Variants in TRANK1 observed in about 807,000 individuals in gnomAD.
TRANK1 encodes TPR and ankyrin repeat-containing protein 1.
TRANK1 carries 198 observed loss-of-function variants against 266.0 expected under a neutral mutation model. That is an observed-to-expected ratio of 0.74 (90% CI 0.66 to 0.84). The LOEUF (loss-of-function observed/expected upper bound fraction) is 0.84. Among genes scored for constraint, TRANK1 ranks in the 40% least tolerant of loss-of-function variants. The pLI is 0.00. For synonymous variants in TRANK1, 1,396 were observed against 1,384.1 expected (o/e 1.01, Z -0.19); for missense variants, 3,326 against 3,634.6 (o/e 0.92, Z 2.18).
chr3:36,841,833 G>A (rs938711850), intron 18 of TRANK1, among the ~76,000 whole-genome samples: 7 of 152,072 alleles, frequency 4.6e-5, no homozygotes, highest in African/African-American at 1.7e-4. Flanking sequence ...GAATGAGACT[G>A]GGCCCATGTT....
At chr3:36,894,432 G>T (rs1218586840) in intron 5 of TRANK1, among the ~76,000 whole-genome samples, 1 of 152,178 alleles carries the variant, frequency 6.6e-6, no homozygotes, top group Non-Finnish European at 1.5e-5. Context: ...AATCTCTTAG[G>T]CCAGCTACCT....
intron 1 of TRANK1, among the ~76,000 whole-genome samples, chr3:36,912,346 C>T (rs1246595289): frequency 6.6e-6 from 1 of 152,150 alleles, no homozygotes; most frequent in Non-Finnish European, 1.5e-5. Flanking sequence ...ACTTTAAGAG[C>T]CAAACTACAC....
At chr3:36,846,438 C>T in intron 16 of TRANK1, 34 bp from the exon 17 acceptor site, 1 of 1,591,454 alleles carries the variant, frequency 6.3e-7, no homozygotes, top group Non-Finnish European at 8.6e-7. Flanking sequence ...GATGATGAGC[C>T]ATTTGTCTAT....
Position 36,924,097 on chromosome 3 carries a change from C to T in TRANK1, c.24-15643G>A, listed in dbSNP as rs576083444. Among the ~76,000 whole-genome samples the T allele has an allele frequency of 1.6e-4, 25 of 152,314 alleles. No individual in the cohort carries two copies. In the South Asian group the frequency reaches 4.6e-3, roughly 28 times the overall value. On this transcript the variant is annotated intron_variant, in intron 1 of 23. Coordinates refer to ENST00000645898, the MANE Select transcript of TRANK1 (RefSeq NM_001329998.2). ...TGGACATTGCTAAATCAGGTGACCTCGGACAGCCTCAAAATGGTGAGGGTT... is the reference window on the plus strand; with the variant it reads ...TGGACATTGCTAAATCAGGTGACCTTGGACAGCCTCAAAATGGTGAGGGTT...
At chr3:36,834,586 T>C (rs2078741896) in intron 21 of TRANK1, 176 bp downstream of exon 21, 2 of 614,188 alleles carry the variant, frequency 3.3e-6, no homozygotes, top group East Asian at 3.0e-5. Flanking sequence ...GACTGGAAAA[T>C]AGAGTCCTGC....
At chr3:36,872,165 C>T (rs1394104871) in intron 9 of TRANK1, among the ~76,000 whole-genome samples, 2 of 152,150 alleles carry the variant, frequency 1.3e-5, no homozygotes, top group Non-Finnish European at 2.9e-5. Context: ...CTTTGGGAGG[C>T]CAAGGCAGGT....
At chr3:36,859,270 CT>C (rs1218580414) in intron 11 of TRANK1, among the ~76,000 whole-genome samples, 9,189 of 142,812 alleles carry the variant, frequency 0.064, 764 homozygotes, top group African/African-American at 0.2. Context: ...TCCCTTGCTT[CT>C]TTTTTTTTTT....
chr3:36,839,811 T>C lies in TRANK1; in HGVS notation c.5281-1095A>G, dbSNP rs2078819357. On this transcript the variant is annotated intron_variant, in intron 18 of 23. Coordinates refer to ENST00000645898, the MANE Select transcript of TRANK1 (RefSeq NM_001329998.2). ...GGATCTAAATATAATGCTTGGCCCA[T>C]AGCTGCTGAAGACTAGGAACATAGA... 2.0e-5 allele frequency among the ~76,000 whole-genome samples: 3 copies of C among 152,184 alleles called. No individual in the cohort carries two copies. The South Asian group carries it at 6.2e-4, about 31-fold the overall frequency.
chr3:36,833,430 G>A lies in TRANK1; in HGVS notation c.6153C>T (p.Phe2051=). 6.2e-7 allele frequency: 1 copy of A among 1,613,806 alleles called. No homozygotes were observed. ...CTGAGTGGTTGAGCGTGTCAAACTT[G>A]AAGAAGGCATCCCTGAGCTTCTGAA... The part of the protein sequence containing the change: ...RDFQKLRDAF[F]KFDTLNHSAG... The change falls in exon 22 of 24, where the codon TTC becomes TTT. Residue 2051 remains phenylalanine (F), a synonymous_variant. Coordinates refer to ENST00000645898, the MANE Select transcript of TRANK1 (RefSeq NM_001329998.2).
At chr3:36,908,958 C>T (rs147626694) in intron 1 of TRANK1, among the ~76,000 whole-genome samples, 31 of 152,304 alleles carry the variant, frequency 2.0e-4, no homozygotes, top group African/African-American at 6.3e-4. Context: ...CACTGTACCA[C>T]ATCACGTATT....
chr3:36,871,400 T>C (rs771269170), intron 9 of TRANK1, among the ~76,000 whole-genome samples: 1 of 152,074 alleles, frequency 6.6e-6, no homozygotes, highest in East Asian at 1.9e-4. Flanking sequence ...TAAAAATATA[T>C]ATATCAAACA....
chr3:36,920,064 G>A (rs1011961604), intron 1 of TRANK1, among the ~76,000 whole-genome samples: 4 of 152,028 alleles, frequency 2.6e-5, no homozygotes, highest in South Asian at 2.1e-4. Context: ...TCTCCTATGC[G>A]GTACACAAAC....
At chr3:36,917,353 G>GA (rs1371241451) in intron 1 of TRANK1, among the ~76,000 whole-genome samples, 1 of 151,926 alleles carries the variant, frequency 6.6e-6, no homozygotes, top group Non-Finnish European at 1.5e-5. Context: ...CATGAAATGG[G>GA]AAAAAAGAAA....
chr3:36,903,348 G>C (rs1433078606), intron 2 of TRANK1, 73 bp from the exon 3 acceptor site: 2 of 1,484,114 alleles, frequency 1.3e-6, no homozygotes, highest in Non-Finnish European at 1.8e-6. Flanking sequence ...CCCCCATTCG[G>C]TGCTGGCTGC....
chr3:36,938,650 C>T (rs778851017), intron 1 of TRANK1, among the ~76,000 whole-genome samples: 4 of 151,938 alleles, frequency 2.6e-5, no homozygotes, highest in Non-Finnish European at 5.9e-5. Flanking sequence ...CCTCCAGAGT[C>T]AAAACTTCTA....
chr3:36,896,151 C>T (rs372510323), intron 4 of TRANK1, among the ~76,000 whole-genome samples: 8 of 152,142 alleles, frequency 5.3e-5, no homozygotes, highest in Admixed American at 2.0e-4. Flanking sequence ...TATTGTTACC[C>T]AAAACATTAG....
intron 1 of TRANK1, among the ~76,000 whole-genome samples, chr3:36,935,512 G>A (rs958373930): frequency 2.8e-5 from 4 of 141,628 alleles, no homozygotes; most frequent in Non-Finnish European, 4.5e-5. Flanking sequence ...ATGCAATGGC[G>A]CAATCTCAAC....
chr3:36,872,804 TC>T (rs2079328981), intron 9 of TRANK1, among the ~76,000 whole-genome samples: 1 of 151,874 alleles, frequency 6.6e-6, no homozygotes, highest in South Asian at 2.1e-4. Context: ...AGAGGATAAT[TC>T]CCCTGAGCTA....
At chr3:36,943,802 A>C (rs1357584091) in intron 1 of TRANK1, among the ~76,000 whole-genome samples, 1 of 152,104 alleles carries the variant, frequency 6.6e-6, no homozygotes, top group Non-Finnish European at 1.5e-5. Flanking sequence ...CATAAGGACT[A>C]ACTGAGCCAG....
Sources: allele counts gnomAD v4.1 joint callset (sites outside exome capture counted in the v4.1 genomes callset), GRCh38; gene constraint gnomAD v4.1.1; transcripts MANE v1.5; gene names NCBI Gene and HGNC (gene_info 2026-07-23, HGNC 2026-07-21).